Variants in QPCT observed in about 807,000 individuals in gnomAD.
QPCT encodes glutaminyl-peptide cyclotransferase.
In QPCT, 44 loss-of-function variants were observed where a neutral mutation model predicts 43.4. That is an observed-to-expected ratio of 1.01 (90% confidence interval 0.80 to 1.30). The LOEUF (loss-of-function observed/expected upper bound fraction) is 1.30. Ranked by LOEUF, QPCT falls within the 50% of genes most tolerant of loss-of-function variation. The pLI is 0.00. For synonymous variants in QPCT, 168 were observed against 168.4 expected, an observed-to-expected ratio of 1.00 and a Z score of 0.02; for missense variants, 526 against 436.5, an observed-to-expected ratio of 1.21 and a Z score of -1.83.
rs983255067 is a variant in QPCT at position 37,373,108 on chromosome 2, G to A, written c.*281G>A. On this transcript the variant is annotated 3_prime_UTR_variant, in exon 7 of 7. Transcript: ENST00000338415. ...TTCAAAGACTCTTTTAGATAAACAC[G>A]ATGAGGCAAAATCAGGTTCATTCAT... 1.8e-5 allele frequency: 4 copies of A among 222,540 alleles called. No homozygotes were observed. Among genetic ancestry groups the A allele is most frequent in the Admixed American group, 1.1e-4 (2 of 17,832 alleles). The allele number at this position is 222,540 out of a possible 1,614,324, so 13.8% of individuals were successfully genotyped here. A position where few individuals can be genotyped will look rare whatever the true frequency, so the allele number is the denominator to read the frequency against.
intron 1 of QPCT, among the ~76,000 whole-genome samples, 179 bp from the exon 2 acceptor site, chr2:37,352,610 G>A (rs1467476153): frequency 2.0e-5 from 3 of 152,204 alleles, no homozygotes; most frequent in Non-Finnish European, 4.4e-5. Context: ...GGGATTACAG[G>A]CTTGAGCCAC....
At chr2:37,363,459 C>CAAAAA (rs760030748) in intron 3 of QPCT, among the ~76,000 whole-genome samples, 28 of 47,760 alleles carry the variant, frequency 5.9e-4, no homozygotes, top group African/African-American at 1.5e-3. Context: ...TCCCTCTCTA[C>CAAAAA]AAAAAAAAAA....
intron 3 of QPCT, 152 bp from the exon 4 acceptor site, chr2:37,367,080 T>G: frequency 1.4e-6 from 1 of 726,172 alleles, no homozygotes; most frequent in Non-Finnish European, 2.2e-6. Context: ...GAAGAGGAAG[T>G]GGTGTGGAAT....
intron 1 of QPCT, among the ~76,000 whole-genome samples, chr2:37,347,658 G>T (rs1008116024): frequency 6.6e-6 from 1 of 152,034 alleles, no homozygotes; most frequent in Non-Finnish European, 1.5e-5. Context: ...CATTAGTCTG[G>T]GTGCTAATCC....
Position 37,359,726 on chromosome 2 carries a change from C to G in QPCT, c.414C>G (p.Ala138=), listed in dbSNP as rs1447598327. The part of the protein sequence containing the change: ...NPTAKRHLVL[A]CHYDSKYFSH... ...CTGCTAAACGACATTTGGTCCTCGC[C>G]TGCCACTATGACTCCAAGTATTTTT... Residue 138 remains alanine (A), a synonymous_variant, in exon 3 of 7, where the codon GCC becomes GCG. Transcript: ENST00000338415. The G allele has an allele frequency of 1.2e-6, 2 of 1,614,186 alleles. No homozygotes were observed. Among genetic ancestry groups the G allele is most frequent in the Non-Finnish European group, 1.7e-6 (2 of 1,180,034 alleles).
chr2:37,346,895 G>A (rs779366071), intron 1 of QPCT, among the ~76,000 whole-genome samples: 1 of 151,612 alleles, frequency 6.6e-6, no homozygotes, highest in Non-Finnish European at 1.5e-5. Context: ...GGTGAGGTGT[G>A]GTAAAGAAAG....
chr2:37,369,377 G>T (rs1024949381), intron 4 of QPCT, among the ~76,000 whole-genome samples: 2 of 152,182 alleles, frequency 1.3e-5, no homozygotes, highest in Non-Finnish European at 2.9e-5. Flanking sequence ...ATAAATGTAT[G>T]CTTTTAATGT....
In QPCT at chr2:37,373,321, T is replaced by C. The variant is rs561082255; in HGVS notation, c.*494T>C. On this transcript the variant is annotated 3_prime_UTR_variant, in exon 7 of 7. Coordinates refer to ENST00000338415, the MANE Select transcript of QPCT (RefSeq NM_012413.4). ...GGAAATTAAAATCAGAATTAAATGC[T>C]ATGTTGTGATGTCTTTTTTATATAT... is the stretch of plus-strand genomic sequence containing the variant. The C allele has an allele frequency of 6.6e-6, 1 of 152,248 alleles. No homozygotes were observed. Among genetic ancestry groups the C allele is most frequent in the East Asian group, 1.9e-4 (1 of 5,200 alleles). The allele number at this position is 152,248 out of a possible 1,614,324, so 9.4% of individuals were successfully genotyped here. A position where few individuals can be genotyped will look rare whatever the true frequency, so the allele number is the denominator to read the frequency against.
At chr2:37,346,725 C>T (rs150407433) in intron 1 of QPCT, among the ~76,000 whole-genome samples, 128 of 152,234 alleles carry the variant, frequency 8.4e-4, no homozygotes, top group African/African-American at 3.0e-3. Context: ...ATCACATTTC[C>T]CAGTTTCTAG....
intron 2 of QPCT, among the ~76,000 whole-genome samples, chr2:37,355,392 C>G (rs1391409981): frequency 6.6e-6 from 1 of 151,870 alleles, no homozygotes; most frequent in African/African-American, 2.4e-5. Flanking sequence ...AATGATTGAA[C>G]CTTTTTTTTT....
chr2:37,348,068 G>C (rs898453735), intron 1 of QPCT, among the ~76,000 whole-genome samples: 1 of 150,386 alleles, frequency 6.6e-6, no homozygotes, highest in African/African-American at 2.4e-5. Flanking sequence ...GCACGCGTGT[G>C]TGTGTGTGTG....
chr2:37,359,485 A>T, intron 2 of QPCT, 95 bp from the exon 3 acceptor site: 2 of 1,178,506 alleles, frequency 1.7e-6, no homozygotes, highest in Non-Finnish European at 2.4e-6. Context: ...TTCCAATTTT[A>T]ATTTGAAAGG....
chr2:37,356,839 C>T (rs1672759520), intron 2 of QPCT, among the ~76,000 whole-genome samples: 1 of 151,992 alleles, frequency 6.6e-6, no homozygotes, highest in African/African-American at 2.4e-5. Flanking sequence ...AACTTTGTCT[C>T]TACCAAAAAT....
intron 1 of QPCT, 130 bp downstream of exon 1, chr2:37,344,981 C>A (rs1458389622): frequency 3.0e-6 from 4 of 1,337,388 alleles, no homozygotes; most frequent in East Asian, 5.8e-5. Context: ...CAGGCACCGG[C>A]GCCCCACCCG....
In QPCT at chr2:37,372,358, C is replaced by T. The variant is rs762938073; in HGVS notation, c.826C>T (p.His276Tyr). The T allele has an allele frequency of 1.9e-6, 3 of 1,602,914 alleles. No individual in the cohort carries two copies. The highest frequency in any genetic ancestry group is 1.7e-5 in the Admixed American group (1 of 60,000). ...TACTGTATAATTGTCATCTACAGAA[C>T]ATGAACTTCATGAATTGGGTTTGCT... is the stretch of plus-strand genomic sequence containing the variant. Reference protein sequence around the residue: ...RWFERLQAIEHELHELGLLKD... With the variant: ...RWFERLQAIEYELHELGLLKD... Residue 276 changes from histidine to tyrosine, a missense_variant and splice_region_variant, in exon 6 of 7, where the codon CAT (histidine) becomes TAT (tyrosine). Physicochemically the swap from His to Tyr is moderately conservative, Grantham distance 83. Transcript: ENST00000338415.
chr2:37,352,143 C>G lies in QPCT; in HGVS notation c.121-646C>G, dbSNP rs189720269. Among the ~76,000 whole-genome samples, 334 of 151,892 alleles carry G rather than the reference C, an allele frequency of 2.2e-3. 1 individual carries two copies. Among genetic ancestry groups the G allele is most frequent in the Non-Finnish European group, 4.0e-3 (269 of 67,954 alleles). On this transcript the variant is annotated intron_variant, in intron 1 of 6. Transcript: ENST00000338415. Reference sequence around the variant, plus strand: ...ATTTTAATAATATACTTCATTTAACCTAATATGTCAAAAAATTACCATTTC... The same window carrying G: ...ATTTTAATAATATACTTCATTTAACGTAATATGTCAAAAAATTACCATTTC...
chr2:37,363,964 A>G (rs1199529431), intron 3 of QPCT, among the ~76,000 whole-genome samples: 1 of 152,212 alleles, frequency 6.6e-6, no homozygotes, highest in Non-Finnish European at 1.5e-5. Context: ...GGAGACGATT[A>G]TGACTTTTGG....
At position 37,347,168 on chromosome 2, in the gene QPCT, TATATATATATAACATATATATATAAC is replaced by T. The variant is rs1285749609; in HGVS notation, c.120+2340_120+2365del. ...TTTATATATATATATATATATAACA[TATATATATATAACATATATATATAAC>T]ATATATATATAACATATATATAACA... is the stretch of plus-strand genomic sequence containing the variant. On this transcript the variant is annotated intron_variant, in intron 1 of 6. Coordinates refer to ENST00000338415, the MANE Select transcript of QPCT (RefSeq NM_012413.4). Among the ~76,000 whole-genome samples, 5 of 52,834 alleles carry T rather than the reference TATATATATATAACATATATATATAAC, an allele frequency of 9.5e-5. 1 individual carries two copies. The South Asian group carries it at 1.9e-3, about 20-fold the overall frequency. The allele number at this position is 52,834 out of a possible 152,430, so 34.7% of individuals were successfully genotyped here. A position where few individuals can be genotyped will look rare whatever the true frequency, so the allele number is the denominator to read the frequency against.
chr2:37,361,395 G>A (rs1192459895), intron 3 of QPCT, among the ~76,000 whole-genome samples: 1 of 152,156 alleles, frequency 6.6e-6, no homozygotes, highest in African/African-American at 2.4e-5. Flanking sequence ...CCTTTGCCTG[G>A]TAACTTTGCT....
Sources: gnomAD v4.1 joint callset for allele counts (sites outside exome capture counted in the v4.1 genomes callset) on GRCh38, gnomAD v4.1.1 for gene constraint, MANE v1.5 for transcripts, NCBI Gene and HGNC (gene_info 2026-07-23, HGNC 2026-07-21) for gene names.